PRELID2: variants seen among roughly 807,000 people sequenced by gnomAD.
PRELID2 encodes PRELI domain-containing protein 2.
In PRELID2, 25 loss-of-function variants were observed where a neutral mutation model predicts 28.4. The ratio of observed to expected loss-of-function variants is 0.88; its 90% CI spans 0.64 to 1.23. The LOEUF is 1.23. Ranked by LOEUF, PRELID2 falls within the 50% of genes most tolerant of loss-of-function variation. PRELID2 has a pLI of 0.00. For synonymous variants in PRELID2, 76 were observed against 71.6 expected (o/e 1.06, Z -0.31); for missense variants, 201 against 214.4 (o/e 0.94, Z 0.39).
chr5:145,422,191 G>A, the PRELID2 span, among the ~76,000 whole-genome samples: 1 of 148,560 alleles, frequency 6.7e-6, no homozygotes, highest in Non-Finnish European at 1.5e-5. Flanking sequence ...GTGTGGTGCT[G>A]AAAAAAATGT....
At chr5:145,630,534 C>T (rs59112928) in intron 1 of PRELID2, among the ~76,000 whole-genome samples, 5,450 of 152,210 alleles carry the variant, frequency 0.036, 297 homozygotes, top group African/African-American at 0.12. Context: ...CAGCAACATC[C>T]CATTAACTGT....
At chr5:145,517,238 T>C (rs970622820) in intron 1 of PRELID2, among the ~76,000 whole-genome samples, 5 of 151,744 alleles carry the variant, frequency 3.3e-5, no homozygotes, top group Admixed American at 1.3e-4. Flanking sequence ...AATCTATCCA[T>C]CTGACAAAGG....
intron 1 of PRELID2, among the ~76,000 whole-genome samples, chr5:145,600,432 A>AAAAAAAT (rs1753376913): frequency 7.8e-6 from 1 of 127,602 alleles, no homozygotes; most frequent in African/African-American, 4.1e-5. Context: ...AAAAAAAAAA[A>AAAAAAAT]AAATATATAT....
intron 5 of PRELID2, among the ~76,000 whole-genome samples, chr5:145,790,721 G>GTGTGTGTGTGTATATA (rs772901344): frequency 0.05 from 5,541 of 110,606 alleles, 233 homozygotes; most frequent in East Asian, 0.16. Flanking sequence ...GTGTGTGTGT[G>GTGTGTGTGTGTATATA]TATATATATA....
intron 5 of PRELID2, among the ~76,000 whole-genome samples, chr5:145,767,047 G>C (rs901447915): frequency 5.3e-5 from 8 of 152,104 alleles, no homozygotes; most frequent in African/African-American, 1.9e-4. Context: ...CCTCAAGCCT[G>C]GACCTGTGGC....
chr5:145,722,216 G>T (rs552467718), intron 1 of PRELID2, among the ~76,000 whole-genome samples: 206 of 152,234 alleles, frequency 1.4e-3, no homozygotes, highest in African/African-American at 4.8e-3. Flanking sequence ...ACAAGGAGAA[G>T]AAATATTACC....
the PRELID2 span, chr5:145,229,626 G>A: frequency 9.8e-7 from 1 of 1,023,444 alleles, no homozygotes; most frequent in South Asian, 1.3e-5. Flanking sequence ...CCATCGTGGA[G>A]AACATCTTCA....
At chr5:145,517,967 A>G (rs1468652849) in intron 1 of PRELID2, among the ~76,000 whole-genome samples, 2 of 151,982 alleles carry the variant, frequency 1.3e-5, no homozygotes, top group African/African-American at 4.8e-5. Context: ...CAGGGTTGGG[A>G]ACATCACACA....
chr5:145,784,556 G>A (rs1474261117), intron 5 of PRELID2, among the ~76,000 whole-genome samples: 1 of 152,058 alleles, frequency 6.6e-6, no homozygotes, highest in Admixed American at 6.6e-5. Flanking sequence ...AGCTCAGAAA[G>A]CAACAAGAAA....
chr5:145,703,895 T>C (rs1287516591), intron 1 of PRELID2: 1 of 152,212 alleles, frequency 6.6e-6, no homozygotes, highest in African/African-American at 2.4e-5. Context: ...ATTTTACTCA[T>C]GCAACTTAGA....
the PRELID2 span, among the ~76,000 whole-genome samples, chr5:145,277,822 T>C: frequency 1.3e-5 from 2 of 152,268 alleles, no homozygotes; most frequent in South Asian, 4.2e-4. Context: ...GAGTTTCCCT[T>C]GGGGTCAGCA....
chr5:145,408,817 C>A, the PRELID2 span, among the ~76,000 whole-genome samples: 1 of 152,038 alleles, frequency 6.6e-6, no homozygotes, highest in Admixed American at 6.6e-5. Flanking sequence ...TGAGGAAAAC[C>A]TTCCTGATCT....
rs144994643 is a variant in PRELID2 at position 145,698,366 on chromosome 5, C to A, written n.70+66565G>T. Among the ~76,000 whole-genome samples the A allele has an allele frequency of 6.4e-3, 980 of 152,212 alleles. 13 individuals are homozygous for A. Among genetic ancestry groups the A allele is most frequent in the African/African-American group, 0.02 (840 of 41,506 alleles). ...CTATTATCTTGGAGCTTATAGTCTA[C>A]AGGAGAAGAGAGAACTCAAATAAAC... On this transcript the variant is annotated intron_variant and non_coding_transcript_variant, in intron 1 of 2. Coordinates refer to the PRELID2 transcript ENST00000510259.
chr5:145,423,941 T>C, the PRELID2 span, among the ~76,000 whole-genome samples: 10 of 150,478 alleles, frequency 6.6e-5, no homozygotes, highest in East Asian at 2.0e-4. Flanking sequence ...TGTTTGTTAG[T>C]TTTCCTTCTA....
chr5:145,291,337 GAAA>G, the PRELID2 span, among the ~76,000 whole-genome samples: 6 of 41,740 alleles, frequency 1.4e-4, no homozygotes, highest in African/African-American at 2.4e-4. Flanking sequence ...CTCTGTTTCA[GAAA>G]AAAAAAAAAA....
At chr5:145,821,433 C>A (rs1312606193) in intron 2 of PRELID2, among the ~76,000 whole-genome samples, 1 of 151,980 alleles carries the variant, frequency 6.6e-6, no homozygotes, top group Non-Finnish European at 1.5e-5. Context: ...AGGACTGCAA[C>A]CATTTTGTTC....
chr5:145,813,766 C>T (rs12656905), intron 4 of PRELID2, among the ~76,000 whole-genome samples: 25,716 of 151,564 alleles, frequency 0.17, 2,587 homozygotes, highest in African/African-American at 0.27. Context: ...AGGACTGGAA[C>T]ATAACAAACC....
At chr5:145,384,769 A>G in the PRELID2 span, among the ~76,000 whole-genome samples, 3 of 152,196 alleles carry the variant, frequency 2.0e-5, no homozygotes, top group African/African-American at 4.8e-5. Context: ...TGGCAAAAGC[A>G]GGAGGCAGAG....
chr5:145,310,625 T>C, the PRELID2 span, among the ~76,000 whole-genome samples: 3 of 152,206 alleles, frequency 2.0e-5, no homozygotes, highest in African/African-American at 7.2e-5. Flanking sequence ...CCCCTCTGGC[T>C]CCATCAGTTG....
Sources: gnomAD v4.1 joint callset for allele counts (sites outside exome capture counted in the v4.1 genomes callset) on GRCh38, gnomAD v4.1.1 for gene constraint, MANE v1.5 for transcripts, NCBI Gene and HGNC (gene_info 2026-07-23, HGNC 2026-07-21) for gene names.